USP24: variants seen among roughly 807,000 people sequenced by gnomAD.
USP24 encodes ubiquitin specific peptidase 24.
Under a neutral mutation model 361.6 loss-of-function variants are expected in USP24, and 97 were observed. The observed-to-expected ratio is 0.27, with a 90% confidence interval of 0.23 to 0.32. The LOEUF is 0.32. USP24 is among the 10% of genes least tolerant of loss of function. The pLI is 1.00. For missense variants in USP24, 2,353 were observed against 3,165.6 expected, an observed-to-expected ratio of 0.74 and a Z score of 6.16; for synonymous variants, 1,098 against 1,124.6, an observed-to-expected ratio of 0.98 and a Z score of 0.47.
intron 36 of USP24, 57 bp from the exon 37 acceptor site, chr1:55,121,563 C>A (rs1473289400): frequency 1.4e-6 from 2 of 1,445,906 alleles, no homozygotes; most frequent in East Asian, 2.3e-5. Flanking sequence ...AATGCATTTT[C>A]AAATTTTGAT....
At chr1:55,073,703 A>G (rs1340525074) in intron 64 of USP24, 125 bp downstream of exon 64, 7 of 874,970 alleles carry the variant, frequency 8.0e-6, no homozygotes, top group Non-Finnish European at 1.3e-5. Flanking sequence ...GTACCTTCCA[A>G]GCAAGCAGGC....
chr1:55,215,203 C>T lies in USP24; in HGVS notation c.-90G>A. The T allele has an allele frequency of 9.1e-7, 1 of 1,103,288 alleles. No homozygotes were observed. Among genetic ancestry groups the T allele is most frequent in the Non-Finnish European group, 1.1e-6 (1 of 882,126 alleles). The allele number at this position is 1,103,288 out of a possible 1,614,324, so 68.3% of individuals were successfully genotyped here. On this transcript the variant is annotated 5_prime_UTR_variant, in exon 1 of 68. Coordinates refer to ENST00000294383, the MANE Select transcript of USP24 (RefSeq NM_015306.3). ...CCGCGCGGCGCACCCTCCGCGCCGC[C>T]TCCGCGCCCAGGTTGGCCCCTGCGT...
chr1:55,106,396 T>C (rs376907603), intron 40 of USP24, 133 bp from the exon 41 acceptor site: 3 of 686,962 alleles, frequency 4.4e-6, no homozygotes, highest in Non-Finnish European at 7.5e-6. Flanking sequence ...TTTAATTTAA[T>C]GTTTGTTTTT....
intron 38 of USP24, among the ~76,000 whole-genome samples, chr1:55,119,672 T>C (rs1646223514): frequency 6.6e-6 from 1 of 152,046 alleles, no homozygotes; most frequent in Admixed American, 6.6e-5. Context: ...TGTTGGTCTT[T>C]TGCTTAATAA....
chr1:55,192,803 C>T lies in USP24; in HGVS notation c.325-14671G>A, dbSNP rs527256426. Among the ~76,000 whole-genome samples the T allele has an allele frequency of 1.2e-3, 179 of 152,268 alleles. 1 individual carries two copies. Among genetic ancestry groups the T allele is most frequent in the African/African-American group, 4.2e-3 (173 of 41,538 alleles). On this transcript the variant is annotated intron_variant, in intron 1 of 67. Transcript: ENST00000294383. ...GATAAACAAGTAAGTGTATGCAGTC[C>T]CCATGTATGAATACATTGTGTCTGA...
At chr1:55,213,065 G>T (rs1644887433) in intron 1 of USP24, among the ~76,000 whole-genome samples, 1 of 152,130 alleles carries the variant, frequency 6.6e-6, no homozygotes, top group Non-Finnish European at 1.5e-5. Context: ...AAGAAAAAAA[G>T]AATCACATTT....
intron 41 of USP24, among the ~76,000 whole-genome samples, chr1:55,104,867 T>A (rs1645729810): frequency 6.6e-6 from 1 of 152,108 alleles, no homozygotes; most frequent in Non-Finnish European, 1.5e-5. Flanking sequence ...AATAGGGAGG[T>A]GCCATTTACA....
At chr1:55,134,303 A>C in intron 29 of USP24, 25 bp downstream of exon 29, 1 of 1,604,748 alleles carries the variant, frequency 6.2e-7, no homozygotes, top group South Asian at 1.1e-5. Flanking sequence ...TCTCTCTGCC[A>C]AGCCTCACAA....
intron 51 of USP24, among the ~76,000 whole-genome samples, chr1:55,094,355 T>G (rs1645447512): frequency 6.6e-6 from 1 of 152,208 alleles, no homozygotes. Context: ...AAATTTTTAC[T>G]TAAGTGGCAT....
At chr1:55,136,826 T>G (rs1366644769) in intron 28 of USP24, among the ~76,000 whole-genome samples, 4 of 152,114 alleles carry the variant, frequency 2.6e-5, no homozygotes, top group Admixed American at 2.6e-4. Flanking sequence ...AAATTAGGAT[T>G]GGGGTGCCTA....
chr1:55,204,201 T>C (rs1031768156), intron 1 of USP24, among the ~76,000 whole-genome samples: 4 of 152,198 alleles, frequency 2.6e-5, no homozygotes, highest in Admixed American at 6.5e-5. Flanking sequence ...TTTCTAAAAT[T>C]ACCAACATTT....
Position 55,097,072 on chromosome 1 carries a change from C to A in USP24, c.5816G>T (p.Gly1939Val), listed in dbSNP as rs201669502. ...VGENGRSVDQ[G>V]GGGSPRKKVA... ...CTTTTTTCGTGGGGATCCTCCACCG[C>A]CCTGATCCACACTTCGCCCATTTTC... Residue 1939 changes from glycine to valine, a missense_variant, in exon 49 of 68, where the codon GGC (glycine) becomes GTC (valine). Transcript: ENST00000294383. The A allele has an allele frequency of 1.1e-5, 17 of 1,613,934 alleles. No individual in the cohort carries two copies. In the African/African-American group the frequency reaches 1.9e-4, roughly 18 times the overall value.
At chr1:55,121,633 C>T in intron 36 of USP24, 127 bp from the exon 37 acceptor site, 1 of 723,590 alleles carries the variant, frequency 1.4e-6, no homozygotes, top group South Asian at 2.0e-5. Flanking sequence ...TAATTCAGGA[C>T]CTTTTACAAT....
rs1644381283 is a variant in USP24, at chr1:55,195,032, AAAACG to A, written c.325-16905_325-16901del. ...TCCTTAAAACAAAACAAAACAAAACAAAACGAAAACCCTAACCCCAACCCAAACCA... is the reference window on the plus strand; with the variant it reads ...TCCTTAAAACAAAACAAAACAAAACAAAAACCCTAACCCCAACCCAAACCA... On this transcript the variant is annotated intron_variant, in intron 1 of 67. Transcript: ENST00000294383. Among the ~76,000 whole-genome samples, 3 of 116,136 alleles carry A rather than the reference AAAACG, an allele frequency of 2.6e-5. No individual in the cohort carries two copies. In the Admixed American group the frequency reaches 2.6e-4, roughly 10 times the overall value. 76.2% of individuals were successfully genotyped at this position (116,136 alleles called of 152,430 possible).
chr1:55,132,318 A>G (rs1297611023), intron 31 of USP24, among the ~76,000 whole-genome samples: 1 of 152,214 alleles, frequency 6.6e-6, no homozygotes, highest in Non-Finnish European at 1.5e-5. Flanking sequence ...CATCCAGTCT[A>G]TGGTGATTTG....
At chr1:55,111,179 T>C (rs751090653) in intron 38 of USP24, among the ~76,000 whole-genome samples, 1 of 151,984 alleles carries the variant, frequency 6.6e-6, no homozygotes. Flanking sequence ...ATCATACTAC[T>C]GAGGGAAAAT....
chr1:55,203,975 C>T (rs1043611786), intron 1 of USP24, among the ~76,000 whole-genome samples: 1 of 152,090 alleles, frequency 6.6e-6, no homozygotes, highest in Non-Finnish European at 1.5e-5. Context: ...TCTGCTGCTA[C>T]TCTAACTCAC....
intron 31 of USP24, among the ~76,000 whole-genome samples, chr1:55,130,787 T>C (rs1646569337): frequency 6.6e-6 from 1 of 152,232 alleles, no homozygotes; most frequent in South Asian, 2.1e-4. Context: ...AAGGAAATAT[T>C]CACTTTGAAG....
intron 41 of USP24, among the ~76,000 whole-genome samples, chr1:55,104,394 T>A (rs1645718410): frequency 6.6e-6 from 1 of 152,014 alleles, no homozygotes; most frequent in Non-Finnish European, 1.5e-5. Flanking sequence ...CCTAAGAAGA[T>A]CTTAGGATGG....
Sources: allele counts gnomAD v4.1 joint callset (sites outside exome capture counted in the v4.1 genomes callset), GRCh38; gene constraint gnomAD v4.1.1; transcripts MANE v1.5; gene names NCBI Gene and HGNC (gene_info 2026-07-23, HGNC 2026-07-21).